LRBA: variants seen among roughly 807,000 people sequenced by gnomAD.
LRBA encodes LPS responsive beige-like anchor protein.
A neutral mutation model predicts 330.0 loss-of-function variants in LRBA; 176 were observed. That is an observed-to-expected ratio of 0.53 (90% CI 0.47 to 0.60). The LOEUF is 0.60. Among genes scored for constraint, LRBA ranks in the 20% least tolerant of loss-of-function variants. LRBA has a pLI of 0.00. For synonymous variants in LRBA, 1,230 were observed against 1,193.0 expected (o/e 1.03, Z -0.64); for missense variants, 3,259 against 3,444.8 (o/e 0.95, Z 1.35).
intron 2 of LRBA, among the ~76,000 whole-genome samples, chr4:150,978,712 A>G (rs1740495053): frequency 6.6e-6 from 1 of 152,222 alleles, no homozygotes; most frequent in South Asian, 2.1e-4. Flanking sequence ...TCAAGCAGAA[A>G]TTTGAGAATT....
Position 150,870,579 on chromosome 4 carries a change from C to T in LRBA, c.2395G>A (p.Val799Met), listed in dbSNP as rs900466933. The part of the protein sequence containing the change: ...EILIEQIGTQ[V>M]IHKQHPDPDS... Reference sequence around the variant, plus strand: ...GGATCTGGATGCTGTTTATGTATCACCTGAGTACCAATCTGTTCTATAAGA... The same window carrying T: ...GGATCTGGATGCTGTTTATGTATCATCTGAGTACCAATCTGTTCTATAAGA... The change falls in exon 20 of 57, where the codon GTG becomes ATG. Residue 799 changes from valine (V) to methionine (M), a missense_variant. Physicochemically the swap from Val to Met is conservative, Grantham distance 21. Coordinates refer to ENST00000651943, the MANE Select transcript of LRBA (RefSeq NM_001364905.1). The T allele has an allele frequency of 1.9e-6, 3 of 1,580,560 alleles. No individual in the cohort carries two copies. Among genetic ancestry groups the T allele is most frequent in the Non-Finnish European group, 2.6e-6 (3 of 1,150,304 alleles).
At chr4:150,898,122 T>C (rs1255439181) in intron 14 of LRBA, among the ~76,000 whole-genome samples, 2 of 152,030 alleles carry the variant, frequency 1.3e-5, no homozygotes, top group Non-Finnish European at 2.9e-5. Context: ...TTGTATTCAA[T>C]AATAATATAC....
intron 47 of LRBA, among the ~76,000 whole-genome samples, chr4:150,384,882 G>A (rs77928051): frequency 0.011 from 1,667 of 152,020 alleles, 8 homozygotes; most frequent in Non-Finnish European, 0.017. Flanking sequence ...CAGACATTTG[G>A]AATTGTCCTG....
chr4:150,677,004 T>A (rs1038755238), intron 37 of LRBA, among the ~76,000 whole-genome samples: 2 of 152,194 alleles, frequency 1.3e-5, no homozygotes, highest in African/African-American at 4.8e-5. Context: ...CTTCATAGTT[T>A]ACAACTAGTT....
At chr4:150,919,450 TATAC>T (rs1400385165) in intron 5 of LRBA, among the ~76,000 whole-genome samples, 2 of 152,250 alleles carry the variant, frequency 1.3e-5, no homozygotes, top group Admixed American at 6.5e-5. Flanking sequence ...GTATACATAT[TATAC>T]ATATATTCTT....
chr4:150,963,429 T>G (rs141765590), intron 2 of LRBA, among the ~76,000 whole-genome samples: 5,033 of 149,564 alleles, frequency 0.034, 932 homozygotes, highest in African/African-American at 0.12. Context: ...GCGAGTGGTC[T>G]GCCGGCCTCG....
intron 40 of LRBA, among the ~76,000 whole-genome samples, chr4:150,498,091 CTT>C (rs773532276): frequency 2.0e-5 from 3 of 152,152 alleles, no homozygotes; most frequent in Non-Finnish European, 2.9e-5. Context: ...ACAGAACACT[CTT>C]TGATACATGA....
At chr4:150,596,697 G>A (rs1029385407) in intron 38 of LRBA, among the ~76,000 whole-genome samples, 1 of 151,418 alleles carries the variant, frequency 6.6e-6, no homozygotes, top group Non-Finnish European at 1.5e-5. Flanking sequence ...CTTCTTTAAT[G>A]CTCCAAAATT....
chr4:150,432,453 C>CTTTTTTTTTTTTTTTTTTTTTTTTTTT, intron 46 of LRBA, among the ~76,000 whole-genome samples: 1 of 98,438 alleles, frequency 1.0e-5, no homozygotes, highest in Non-Finnish European at 1.8e-5. Context: ...TAAGTGTGTT[C>CTTTTTTTTTTTTTTTTTTTTTTTTTTT]TTTTTTTTTT....
chr4:150,535,970 A>G (rs1764615372), intron 40 of LRBA, among the ~76,000 whole-genome samples: 2 of 152,162 alleles, frequency 1.3e-5, no homozygotes, highest in Admixed American at 1.3e-4. Flanking sequence ...TCACCTAAAA[A>G]TATTTACCTT....
At chr4:150,428,845 C>T (rs1304362688) in intron 46 of LRBA, among the ~76,000 whole-genome samples, 2 of 152,152 alleles carry the variant, frequency 1.3e-5, no homozygotes, top group Non-Finnish European at 2.9e-5. Context: ...ACACCCGAAA[C>T]ATAAGACCAA....
intron 40 of LRBA, among the ~76,000 whole-genome samples, chr4:150,506,763 G>A (rs946304039): frequency 2.6e-5 from 4 of 152,106 alleles, no homozygotes; most frequent in East Asian, 1.9e-4. Flanking sequence ...AAGGGTATTC[G>A]ATTAGGAAAA....
At position 150,683,652 on chromosome 4, in the gene LRBA, T is replaced by C; in HGVS notation, c.5820A>G (p.Arg1940=). 6.2e-7 allele frequency: 1 copy of C among 1,613,740 alleles called. No homozygotes were observed. Among genetic ancestry groups the C allele is most frequent in the Admixed American group, 1.7e-5 (1 of 60,006 alleles). Residue 1940 remains arginine, a synonymous_variant, in exon 37 of 57, where the codon AGA becomes AGG. Coordinates refer to ENST00000651943, the MANE Select transcript of LRBA (RefSeq NM_001364905.1). ...EDEKMCDHLI[R]AAKYRDHVTA... ...TCACGTGGTCACGATATTTTGCTGC[T>C]CTTATCAAATGATCACACATCTTCT...
chr4:150,978,746 A>C (rs1265950578), intron 2 of LRBA, among the ~76,000 whole-genome samples: 1 of 152,244 alleles, frequency 6.6e-6, no homozygotes, highest in Non-Finnish European at 1.5e-5. Context: ...GATATATTAA[A>C]GAATGCATCA....
intron 40 of LRBA, among the ~76,000 whole-genome samples, chr4:150,541,201 A>G (rs999646231): frequency 1.3e-5 from 2 of 152,122 alleles, no homozygotes; most frequent in African/African-American, 4.8e-5. Context: ...AGTTCCAGGG[A>G]GGAAGAAGGG....
intron 44 of LRBA, among the ~76,000 whole-genome samples, chr4:150,443,357 C>T (rs1228712401): frequency 6.6e-6 from 1 of 151,994 alleles, no homozygotes; most frequent in Non-Finnish European, 1.5e-5. Context: ...GGTATATACC[C>T]AAAGGAATAT....
At chr4:150,817,078 T>C (rs1386832357) in intron 31 of LRBA, 46 bp downstream of exon 31, 1 of 1,580,028 alleles carries the variant, frequency 6.3e-7, no homozygotes, top group East Asian at 2.2e-5. Context: ...GTTGCTAAAA[T>C]GAGATCTAAA....
At chr4:150,645,556 A>G (rs902308373) in intron 37 of LRBA, among the ~76,000 whole-genome samples, 3 of 151,954 alleles carry the variant, frequency 2.0e-5, no homozygotes, top group African/African-American at 7.2e-5. Flanking sequence ...AAATTCCCAT[A>G]TTTCAAAATC....
chr4:150,521,881 A>G (rs1762955877), intron 40 of LRBA, among the ~76,000 whole-genome samples: 2 of 152,220 alleles, frequency 1.3e-5, no homozygotes, highest in Admixed American at 1.3e-4. Context: ...TGAATTCTAC[A>G]TAATTACTGA....
Sources: allele counts gnomAD v4.1 joint callset (sites outside exome capture counted in the v4.1 genomes callset), GRCh38; gene constraint gnomAD v4.1.1; transcripts MANE v1.5; gene names NCBI Gene and HGNC (gene_info 2026-07-23, HGNC 2026-07-21).